A1CF: variants seen among roughly 807,000 people sequenced by gnomAD.
The protein encoded by A1CF is APOBEC-1 stimulating protein.
A neutral mutation model predicts 68.9 loss-of-function variants in A1CF; 48 were observed. The observed-to-expected ratio is 0.70, with a 90% CI of 0.55 to 0.89. The LOEUF (loss-of-function observed/expected upper bound fraction) is 0.89, where lower values mean the gene tolerates loss of function less well. Among genes scored for constraint, A1CF ranks in the 40% least tolerant of loss-of-function variants. The probability of loss-of-function intolerance (pLI) is 0.00; values close to 1 mark genes in which losing one functional copy is unlikely to be tolerated. For synonymous variants in A1CF, 272 were observed against 260.4 expected, an observed-to-expected ratio of 1.04 and a Z score of -0.43; for missense variants, 653 against 718.9, an observed-to-expected ratio of 0.91 and a Z score of 1.05.
In A1CF at chr10:50,813,978, C is replaced by G. The variant is rs569461834; in HGVS notation, c.1202G>C (p.Arg401Pro). Residue 401 changes from arginine (R) to proline (P), a missense_variant, in exon 10 of 13, where the codon CGA (arginine) becomes CCA (proline). Physicochemically the swap from Arg to Pro is moderately radical, Grantham distance 103. Transcript: ENST00000373997. ...TTTGTCTCCTTTGACCTGGTATCCT[C>G]GACCCAGGCCTGTGTATGCCAAATA... is the stretch of plus-strand genomic sequence containing the variant. ...RGYLAYTGLGRGYQVKGDKRE... is the reference protein window; with the variant it reads ...RGYLAYTGLGPGYQVKGDKRE... 9.9e-6 allele frequency: 16 copies of G among 1,613,724 alleles called. No individual in the cohort carries two copies. The highest frequency in any genetic ancestry group is 1.3e-5 in the African/African-American group (1 of 74,896).
intron 10 of A1CF, among the ~76,000 whole-genome samples, chr10:50,812,966 C>G (rs1283361698): frequency 6.6e-6 from 1 of 152,054 alleles, no homozygotes; most frequent in East Asian, 1.9e-4. Flanking sequence ...AAAAAATTAC[C>G]CAAGATGAGC....
At chr10:50,870,606 G>C (rs1841218604) in intron 1 of A1CF, among the ~76,000 whole-genome samples, 1 of 151,804 alleles carries the variant, frequency 6.6e-6, no homozygotes, top group Non-Finnish European at 1.5e-5. Flanking sequence ...GAATAAACTA[G>C]TAATCATAAT....
intron 4 of A1CF, among the ~76,000 whole-genome samples, chr10:50,843,042 A>G (rs539328771): frequency 1.1e-4 from 17 of 152,290 alleles, no homozygotes; most frequent in African/African-American, 4.1e-4. Flanking sequence ...TGCCCAAATA[A>G]ATATGATGGC....
rs1482509496 is a variant in A1CF at position 50,806,721 on chromosome 10, A to G, written c.*8T>C. On this transcript the variant is annotated 3_prime_UTR_variant, in exon 13 of 13. Coordinates refer to ENST00000373997, the MANE Select transcript of A1CF (RefSeq NM_014576.4). ...GTGTGTCTTATTCTTAAATTTAAAA[A>G]AGCATCTTCAGAAGGTGCCATATCC... is the stretch of plus-strand genomic sequence containing the variant. 6.4e-7 allele frequency: 1 copy of G among 1,573,242 alleles called. No homozygotes were observed. Among genetic ancestry groups the G allele is most frequent in the South Asian group, 1.2e-5 (1 of 83,676 alleles).
intron 4 of A1CF, among the ~76,000 whole-genome samples, chr10:50,843,703 T>C (rs1839876915): frequency 6.6e-6 from 1 of 152,206 alleles, no homozygotes; most frequent in African/African-American, 2.4e-5. Flanking sequence ...TGTTGATGGA[T>C]AGTTTGTAGT....
chr10:50,850,104 T>A (rs1840171952), intron 3 of A1CF, among the ~76,000 whole-genome samples: 1 of 152,224 alleles, frequency 6.6e-6, no homozygotes, highest in Non-Finnish European at 1.5e-5. Flanking sequence ...TTGACTTTCA[T>A]TTATTGGTTT....
intron 6 of A1CF, among the ~76,000 whole-genome samples, chr10:50,834,592 G>A (rs116476319): frequency 6.6e-6 from 1 of 152,172 alleles, no homozygotes. Flanking sequence ...CACATATTTA[G>A]TTCTTACACA....
At chr10:50,828,980 T>C (rs780720106) in intron 6 of A1CF, among the ~76,000 whole-genome samples, 1 of 152,154 alleles carries the variant, frequency 6.6e-6, no homozygotes, top group Non-Finnish European at 1.5e-5. Context: ...TAATGAGAAT[T>C]TTAATTCTTC....
In A1CF at chr10:50,862,248, C is replaced by G. The variant is rs969888254; in HGVS notation, c.-46+1785G>C. Among the ~76,000 whole-genome samples, 4 of 151,928 alleles carry G rather than the reference C, an allele frequency of 2.6e-5. No homozygotes were observed. In the East Asian group the frequency reaches 7.7e-4, roughly 29 times the overall value. On this transcript the variant is annotated intron_variant, in intron 2 of 12. Transcript: ENST00000373997. ...AGGAGTGGTGGTGCATGCCTGTAAT[C>G]CCAGCTACTTGGGAAGCTGAAGCAT...
intron 5 of A1CF, 50 bp from the exon 6 acceptor site, chr10:50,836,362 G>C: frequency 6.4e-7 from 1 of 1,559,790 alleles, no homozygotes; most frequent in Non-Finnish European, 8.7e-7. Context: ...GTAGGATTCA[G>C]GTTGAAAATG....
intron 1 of A1CF, among the ~76,000 whole-genome samples, chr10:50,877,073 T>G (rs1311311773): frequency 6.6e-6 from 1 of 152,236 alleles, no homozygotes; most frequent in African/African-American, 2.4e-5. Flanking sequence ...AGAAGATTCC[T>G]GGGGAAGAGA....
rs1474247546 is a variant in A1CF, at chr10:50,851,804, C to A, written c.100-7682G>T. 2.0e-5 allele frequency among the ~76,000 whole-genome samples: 3 copies of A among 152,354 alleles called. No individual in the cohort carries two copies. The East Asian group carries it at 5.8e-4, about 29-fold the overall frequency. On this transcript the variant is annotated intron_variant, in intron 3 of 12. Coordinates refer to ENST00000373997, the MANE Select transcript of A1CF (RefSeq NM_014576.4). The stretch of plus-strand genomic sequence containing the variant: ...ATGATGTGGACAATGTGCCATTTAA[C>A]ATCATCTTGGTTCCCTGCTCAGCAC...
Position 50,800,522 on chromosome 10 carries a change from T to C in A1CF, c.*6207A>G, listed in dbSNP as rs1837556645. On this transcript the variant is annotated 3_prime_UTR_variant, in exon 13 of 13. Transcript: ENST00000373997. ...ATTTTGAAAAATGCAGAATGGACCA[T>C]GGGACTGTGTGCCCCAATTAAAGAG... 2.0e-5 allele frequency: 3 copies of C among 152,160 alleles called. No homozygotes were observed. The South Asian group carries it at 6.2e-4, about 32-fold the overall frequency. The allele number at this position is 152,160 out of a possible 1,614,324, so 9.4% of individuals were successfully genotyped here. A position where few individuals can be genotyped will look rare whatever the true frequency, so the allele number is the denominator to read the frequency against.
At chr10:50,837,553 C>T (rs552253029) in intron 5 of A1CF, among the ~76,000 whole-genome samples, 7 of 152,306 alleles carry the variant, frequency 4.6e-5, no homozygotes, top group East Asian at 1.9e-4. Flanking sequence ...AAATACCTCA[C>T]GGTAAAGAAC....
chr10:50,885,230 T>C (rs1841952491), intron 1 of A1CF, among the ~76,000 whole-genome samples: 2 of 152,138 alleles, frequency 1.3e-5, no homozygotes, highest in African/African-American at 4.8e-5. Context: ...TATATTTTTG[T>C]TTCTCAGGGT....
rs755700565 is a variant in A1CF at position 50,810,024 on chromosome 10, T to C, written c.1479A>G (p.Pro493=). Reference sequence around the variant, plus strand: ...CTTCATCCACAAAGGCACTCAGCTTTGGAGGTGTGAAAGGGTGGCTGGAAA... The same window carrying C: ...CTTCATCCACAAAGGCACTCAGCTTCGGAGGTGTGAAAGGGTGGCTGGAAA... ...QNPAIHPFTP[P]KLSAFVDEAK... Residue 493 remains proline (P), a synonymous_variant, in exon 12 of 13, where the codon CCA becomes CCG. Coordinates refer to ENST00000373997, the MANE Select transcript of A1CF (RefSeq NM_014576.4). 2 of 1,613,878 alleles carry C rather than the reference T, an allele frequency of 1.2e-6. No individual in the cohort carries two copies. The highest frequency in any genetic ancestry group is 1.7e-6 in the Non-Finnish European group (2 of 1,179,880).
At chr10:50,852,342 T>C (rs536619435) in intron 3 of A1CF, among the ~76,000 whole-genome samples, 77 of 152,202 alleles carry the variant, frequency 5.1e-4, no homozygotes, top group Non-Finnish European at 1.6e-4. Flanking sequence ...CCCACAAATG[T>C]TGGGCACACA....
intron 6 of A1CF, among the ~76,000 whole-genome samples, chr10:50,832,057 T>C (rs1380584110): frequency 1.3e-5 from 2 of 152,202 alleles, no homozygotes; most frequent in Non-Finnish European, 2.9e-5. Flanking sequence ...GCAATCACCA[T>C]ACTGGGTATG....
At chr10:50,855,382 C>T (rs1840431759) in intron 3 of A1CF, among the ~76,000 whole-genome samples, 1 of 152,014 alleles carries the variant, frequency 6.6e-6, no homozygotes, top group Non-Finnish European at 1.5e-5. Context: ...CAGCACACTT[C>T]CTTACAAAAT....
Sources: gnomAD v4.1 joint callset for allele counts (sites outside exome capture counted in the v4.1 genomes callset) on GRCh38, gnomAD v4.1.1 for gene constraint, MANE v1.5 for transcripts, NCBI Gene and HGNC (gene_info 2026-07-23, HGNC 2026-07-21) for gene names.